The following CCDC171 variants were observed in gnomAD, a reference collection of about 807,000 sequenced individuals.
The protein encoded by CCDC171 is coiled-coil domain-containing protein 171.
In CCDC171, 177 loss-of-function variants were observed where a neutral mutation model predicts 168.2. The observed-to-expected ratio is 1.05, with a 90% confidence interval of 0.93 to 1.19. The LOEUF is 1.19. Among genes scored for constraint, CCDC171 ranks in the 50% most tolerant of loss-of-function variants. CCDC171 has a pLI of 0.00. For missense variants in CCDC171, 1,991 were observed against 1,539.0 expected, an observed-to-expected ratio of 1.29 and a Z score of -4.91; for synonymous variants, 687 against 540.8, an observed-to-expected ratio of 1.27 and a Z score of -3.75.
rs201321568 is a variant in CCDC171 at position 15,623,304 on chromosome 9, T to C, written c.713T>C (p.Val238Ala). Residue 238 changes from valine to alanine, a missense_variant, in exon 7 of 26, where the codon GTA becomes GCA. Val to Ala is a moderately conservative substitution (Grantham distance 64). Transcript: ENST00000380701. ...GCTGTGCAAAATATGCATAAGAAAG[T>C]AGAAAAATTAGAAACAGAACATATG... Reference protein sequence around the residue: ...DTAVQNMHKKVEKLETEHMDC... With the variant: ...DTAVQNMHKKAEKLETEHMDC... 1.6e-4 allele frequency: 250 copies of C among 1,600,128 alleles called. 5 individuals are homozygous for C. In the South Asian group the frequency reaches 2.7e-3, roughly 17 times the overall value.
intron 21 of CCDC171, among the ~76,000 whole-genome samples, chr9:15,805,161 T>C (rs2059014173): frequency 6.6e-6 from 1 of 151,818 alleles, no homozygotes; most frequent in South Asian, 2.1e-4. Flanking sequence ...GTCTACCTAG[T>C]AGTCTGTTTT....
chr9:15,762,094 G>A (rs1455983827), intron 18 of CCDC171, among the ~76,000 whole-genome samples: 1 of 149,900 alleles, frequency 6.7e-6, no homozygotes, highest in Non-Finnish European at 1.5e-5. Flanking sequence ...AAGCATAGAT[G>A]AGGCTTGAAC....
the CCDC171 span, among the ~76,000 whole-genome samples, chr9:16,097,560 G>A: frequency 6.6e-6 from 1 of 152,170 alleles, no homozygotes; most frequent in African/African-American, 2.4e-5. Context: ...TCACAGGCAG[G>A]AGCTGAACAC....
At chr9:15,696,344 T>C (rs1238932430) in intron 11 of CCDC171, among the ~76,000 whole-genome samples, 1 of 152,218 alleles carries the variant, frequency 6.6e-6, no homozygotes, top group Non-Finnish European at 1.5e-5. Flanking sequence ...TGCTTTGCTA[T>C]TGTCTATGTT....
chr9:15,801,737 G>T (rs896994111), intron 21 of CCDC171, among the ~76,000 whole-genome samples: 1 of 152,036 alleles, frequency 6.6e-6, no homozygotes, highest in Admixed American at 6.6e-5. Context: ...TATTCAGTAT[G>T]ATACTAGCTG....
chr9:15,915,169 A>C (rs1027083675), intron 24 of CCDC171, among the ~76,000 whole-genome samples: 3 of 152,148 alleles, frequency 2.0e-5, no homozygotes, highest in Non-Finnish European at 4.4e-5. Flanking sequence ...GAAAAATGAC[A>C]TTGGTAATTT....
At chr9:15,732,896 A>G (rs756700485) in intron 16 of CCDC171, among the ~76,000 whole-genome samples, 2 of 152,146 alleles carry the variant, frequency 1.3e-5, no homozygotes, top group Non-Finnish European at 2.9e-5. Flanking sequence ...TGTTTTTCCA[A>G]GTGACTATAT....
chr9:16,013,499 A>G (rs1022543404), intron 3 of CCDC171, among the ~76,000 whole-genome samples: 2 of 152,132 alleles, frequency 1.3e-5, no homozygotes, highest in African/African-American at 4.8e-5. Flanking sequence ...CCACCTTCCT[A>G]TGGGAGGCAG....
chr9:15,623,469 G>GCGCGCA lies in CCDC171; in HGVS notation c.822+61_822+62insACGCGC, dbSNP rs2044699944. 2.3e-5 allele frequency: 12 copies of GCGCGCA among 529,880 alleles called. 1 individual carries two copies. Among genetic ancestry groups the GCGCGCA allele is most frequent in the Non-Finnish European group, 3.3e-5 (11 of 332,140 alleles). The allele number at this position is 529,880 out of a possible 1,614,324, so 32.8% of individuals were successfully genotyped here. On this transcript the variant is annotated intron_variant, in intron 7 of 25. Transcript: ENST00000380701. ...TGCGTACAAACTTTCACATATGCGC[G>GCGCGCA]CGCGCGCACACACACACACACACAC...
intron 7 of CCDC171, among the ~76,000 whole-genome samples, chr9:15,627,895 C>T (rs2045305392): frequency 6.6e-6 from 1 of 152,252 alleles, no homozygotes; most frequent in South Asian, 2.1e-4. Flanking sequence ...TCTAGTTGAT[C>T]TGTCTAATGT....
chr9:15,692,514 A>G (rs1410232636), intron 10 of CCDC171, among the ~76,000 whole-genome samples: 1 of 151,824 alleles, frequency 6.6e-6, no homozygotes, highest in Non-Finnish European at 1.5e-5. Flanking sequence ...CTTCTCAGAG[A>G]CAACCATCAT....
At chr9:16,083,748 C>G in the CCDC171 span, among the ~76,000 whole-genome samples, 2 of 152,250 alleles carry the variant, frequency 1.3e-5, no homozygotes, top group East Asian at 3.9e-4. Context: ...GTTAGCTCCC[C>G]TAATGGAAGA....
intron 16 of CCDC171, among the ~76,000 whole-genome samples, chr9:15,742,184 C>G (rs1168293242): frequency 1.3e-5 from 2 of 152,136 alleles, no homozygotes; most frequent in Admixed American, 6.5e-5. Context: ...TGCTGCAACT[C>G]TACTGCTAAC....
At chr9:15,703,144 G>A (rs188747895) in intron 11 of CCDC171, among the ~76,000 whole-genome samples, 205 of 152,162 alleles carry the variant, frequency 1.3e-3, no homozygotes, top group African/African-American at 4.3e-3. Context: ...GACCTTAAGC[G>A]GTCTGCCCGC....
chr9:15,656,764 C>T (rs1371861819), intron 7 of CCDC171, among the ~76,000 whole-genome samples: 5 of 151,988 alleles, frequency 3.3e-5, no homozygotes, highest in Non-Finnish European at 5.9e-5. Flanking sequence ...AAGGCATTAC[C>T]AAGAGACATA....
At chr9:15,586,917 C>T (rs2041606546) in intron 4 of CCDC171, among the ~76,000 whole-genome samples, 1 of 152,118 alleles carries the variant, frequency 6.6e-6, no homozygotes. Flanking sequence ...AAGCCATCCT[C>T]CCACCTCAGC....
At chr9:15,715,990 G>A (rs1488849022) in intron 11 of CCDC171, among the ~76,000 whole-genome samples, 1 of 152,200 alleles carries the variant, frequency 6.6e-6, no homozygotes, top group Non-Finnish European at 1.5e-5. Flanking sequence ...ACTTAAAAGT[G>A]AGAGGGAGAG....
At chr9:16,053,571 C>A (rs1833785341) in intron 1 of CCDC171, among the ~76,000 whole-genome samples, 1 of 152,266 alleles carries the variant, frequency 6.6e-6, no homozygotes, top group African/African-American at 2.4e-5. Flanking sequence ...TGCCTCTTTT[C>A]TCTCATCTCC....
chr9:15,918,171 T>C (rs1323662558), intron 24 of CCDC171, among the ~76,000 whole-genome samples: 1 of 151,580 alleles, frequency 6.6e-6, no homozygotes. Flanking sequence ...TCTGAAAAAC[T>C]AGATTAAAAA....
Sources: gnomAD v4.1 joint callset for allele counts (sites outside exome capture counted in the v4.1 genomes callset) on GRCh38, gnomAD v4.1.1 for gene constraint, MANE v1.5 for transcripts, NCBI Gene and HGNC (gene_info 2026-07-23, HGNC 2026-07-21) for gene names.